Variants in ATF7IP2 observed in about 807,000 individuals in gnomAD.
ATF7IP2 encodes activating transcription factor 7-interacting protein 2.
In ATF7IP2, 42 loss-of-function variants were observed where a neutral mutation model predicts 64.2. The observed-to-expected ratio is 0.65, with a 90% CI of 0.51 to 0.85. The LOEUF is 0.85. Ranked by LOEUF, ATF7IP2 falls within the 40% of genes least tolerant of loss-of-function variation. The pLI is 0.00. For missense variants in ATF7IP2, 933 were observed against 784.2 expected (o/e 1.19, Z -2.27); for synonymous variants, 308 against 272.8 (o/e 1.13, Z -1.27).
At chr16:10,458,436 A>G (rs1401441732) in intron 9 of ATF7IP2, among the ~76,000 whole-genome samples, 3 of 152,212 alleles carry the variant, frequency 2.0e-5, no homozygotes, top group Admixed American at 6.5e-5. Context: ...TCATAGAAAA[A>G]TATATCCAAT....
At chr16:10,422,541 A>C (rs1295405987) in intron 3 of ATF7IP2, among the ~76,000 whole-genome samples, 1 of 152,214 alleles carries the variant, frequency 6.6e-6, no homozygotes, top group Admixed American at 6.5e-5. Flanking sequence ...ACAATGCAAG[A>C]TATAACTATT....
At chr16:10,456,586 G>A (rs149138863) in intron 8 of ATF7IP2, among the ~76,000 whole-genome samples, 1 of 152,230 alleles carries the variant, frequency 6.6e-6, no homozygotes, top group African/African-American at 2.4e-5. Flanking sequence ...GCTCCACTGG[G>A]TCTCCCATTT....
intron 3 of ATF7IP2, among the ~76,000 whole-genome samples, chr16:10,422,826 A>G (rs1229362814): frequency 1.3e-5 from 2 of 152,192 alleles, no homozygotes; most frequent in Non-Finnish European, 2.9e-5. Context: ...ATATGGCACA[A>G]TCAGGAGCTG....
intron 3 of ATF7IP2, among the ~76,000 whole-genome samples, chr16:10,425,262 G>A (rs1245808399): frequency 2.0e-5 from 3 of 149,384 alleles, no homozygotes. Flanking sequence ...TAGAAACGGG[G>A]TTTCACCACG....
chr16:10,410,830 A>G (rs995946744), intron 1 of ATF7IP2, among the ~76,000 whole-genome samples: 1 of 152,124 alleles, frequency 6.6e-6, no homozygotes, highest in Non-Finnish European at 1.5e-5. Context: ...CCCATTTAGT[A>G]TTATGTTGGC....
chr16:10,405,953 G>A (rs1346373004), intron 1 of ATF7IP2, among the ~76,000 whole-genome samples: 1 of 152,132 alleles, frequency 6.6e-6, no homozygotes, highest in African/African-American at 2.4e-5. Flanking sequence ...GCTGGGTGTG[G>A]TGGCACGTGC....
intron 4 of ATF7IP2, 121 bp from the exon 5 acceptor site, chr16:10,430,486 TTATC>T (rs2048207674): frequency 3.4e-6 from 2 of 593,912 alleles, no homozygotes; most frequent in Non-Finnish European, 5.9e-6. Context: ...AGTAAGGTGA[TTATC>T]TAAATATGGA....
chr16:10,425,660 G>A (rs1309730156), intron 3 of ATF7IP2, among the ~76,000 whole-genome samples: 1 of 152,066 alleles, frequency 6.6e-6, no homozygotes, highest in Non-Finnish European at 1.5e-5. Context: ...TTGGGAGGCC[G>A]AGGTGGGCAC....
intron 3 of ATF7IP2, among the ~76,000 whole-genome samples, chr16:10,422,929 T>C (rs2048014572): frequency 6.6e-6 from 1 of 152,206 alleles, no homozygotes; most frequent in Non-Finnish European, 1.5e-5. Context: ...ATGACTCCTG[T>C]ATGTACTTGC....
intron 3 of ATF7IP2, among the ~76,000 whole-genome samples, chr16:10,425,438 T>G (rs1306385627): frequency 6.6e-6 from 1 of 151,880 alleles, no homozygotes; most frequent in African/African-American, 2.4e-5. Flanking sequence ...AAAAAAAAAT[T>G]AATGACACCT....
intron 8 of ATF7IP2, among the ~76,000 whole-genome samples, chr16:10,453,355 C>T (rs1429996939): frequency 3.9e-5 from 6 of 152,142 alleles, no homozygotes; most frequent in East Asian, 1.9e-4. Flanking sequence ...TTCCTTGACC[C>T]GTTGTGCTTC....
intron 9 of ATF7IP2, among the ~76,000 whole-genome samples, chr16:10,470,780 C>G (rs891634121): frequency 1.3e-5 from 2 of 149,700 alleles, no homozygotes; most frequent in Non-Finnish European, 3.0e-5. Flanking sequence ...ACGAGTCTGT[C>G]TCTTAAAAAT....
At chr16:10,399,027 C>T (rs932582911) in intron 1 of ATF7IP2, among the ~76,000 whole-genome samples, 2 of 151,992 alleles carry the variant, frequency 1.3e-5, no homozygotes, top group East Asian at 3.9e-4. Flanking sequence ...GCAGGAGAAT[C>T]GCTTGAACCC....
At chr16:10,417,651 C>T (rs1391657199) in intron 2 of ATF7IP2, among the ~76,000 whole-genome samples, 2 of 152,138 alleles carry the variant, frequency 1.3e-5, no homozygotes, top group Non-Finnish European at 2.9e-5. Flanking sequence ...CACACTCATA[C>T]TAGACAGAAA....
intron 3 of ATF7IP2, among the ~76,000 whole-genome samples, chr16:10,422,673 C>T (rs2048009187): frequency 7.9e-6 from 1 of 127,356 alleles, no homozygotes; most frequent in Non-Finnish European, 1.6e-5. Flanking sequence ...ATCTACCAAA[C>T]TTTTAAATTT....
intron 2 of ATF7IP2, among the ~76,000 whole-genome samples, 159 bp from the exon 3 acceptor site, chr16:10,419,422 T>A (rs1268756917): frequency 6.6e-6 from 1 of 152,180 alleles, no homozygotes; most frequent in Non-Finnish European, 1.5e-5. Flanking sequence ...CCAGCCAAGT[T>A]ACAGGCCATA....
intron 1 of ATF7IP2, among the ~76,000 whole-genome samples, chr16:10,387,998 G>A (rs2047238028): frequency 6.6e-6 from 1 of 152,048 alleles, no homozygotes; most frequent in Admixed American, 6.6e-5. Context: ...CTCCCTCCGG[G>A]TTCAAGTGAT....
rs531768721 is a variant in ATF7IP2, at chr16:10,415,287, T to C, written c.-203+675T>C. 2.4e-3 allele frequency among the ~76,000 whole-genome samples: 361 copies of C among 152,186 alleles called. 2 individuals are homozygous for C. Among genetic ancestry groups the C allele is most frequent in the Non-Finnish European group, 3.8e-3 (259 of 67,994 alleles). Reference sequence around the variant, plus strand: ...ACTAGCATAAAAACAGACCAAACAGTAGAACAGAATAGATATCCCGGAAAC... The same window carrying C: ...ACTAGCATAAAAACAGACCAAACAGCAGAACAGAATAGATATCCCGGAAAC... On this transcript the variant is annotated intron_variant, in intron 2 of 13. Coordinates refer to ENST00000562102, the MANE Select transcript of ATF7IP2 (RefSeq NM_001393719.1).
At chr16:10,470,719 G>C (rs2049763467) in intron 9 of ATF7IP2, among the ~76,000 whole-genome samples, 2 of 151,790 alleles carry the variant, frequency 1.3e-5, no homozygotes, top group South Asian at 2.1e-4. Context: ...AGAGGTTCAG[G>C]CTTCAGCAAG....
Sources: gnomAD v4.1 joint callset for allele counts (sites outside exome capture counted in the v4.1 genomes callset) on GRCh38, gnomAD v4.1.1 for gene constraint, MANE v1.5 for transcripts, NCBI Gene and HGNC (gene_info 2026-07-23, HGNC 2026-07-21) for gene names.